SLTM: variants seen among roughly 807,000 people sequenced by gnomAD.
SLTM encodes the protein SAFB like transcription modulator, also known as SAFB-like transcription modulator.
Under a neutral mutation model 134.6 loss-of-function variants are expected in SLTM, and 43 were observed. The observed-to-expected ratio is 0.32, with a 90% confidence interval of 0.25 to 0.41. SLTM has a LOEUF of 0.41. Ranked by LOEUF, SLTM falls within the 10% of genes least tolerant of loss-of-function variation. The pLI is 1.00. For missense variants in SLTM, 1,055 were observed against 1,288.8 expected (o/e 0.82, Z 2.78); for synonymous variants, 424 against 432.3 (o/e 0.98, Z 0.24).
At chr15:58,912,715 A>G (rs2036368761) in intron 4 of SLTM, 105 bp from the exon 5 acceptor site, 5 of 863,930 alleles carry the variant, frequency 5.8e-6, no homozygotes, top group African/African-American at 1.7e-5. Flanking sequence ...GTTCTGTATA[A>G]TATCTGCGAT....
rs71119415 is a variant in SLTM at position 58,882,181 on chromosome 15, C to CAAAAAAAAA, written c.2996+1436_2996+1444dup. Among the ~76,000 whole-genome samples, 17 of 59,528 alleles carry CAAAAAAAAA rather than the reference C, an allele frequency of 2.9e-4. 1 individual carries two copies. In the South Asian group the frequency reaches 5.7e-3, roughly 20 times the overall value. 39.1% of individuals were successfully genotyped at this position (59,528 alleles called of 152,430 possible). A position where few individuals can be genotyped will look rare whatever the true frequency, so the allele number is the denominator to read the frequency against. ...GCCTGGACAGAGCAAGACTCTGTCT[C>CAAAAAAAAA]AAAAAAAAAAAACCACACTTAGAAA... On this transcript the variant is annotated intron_variant, in intron 20 of 20. Transcript: ENST00000380516.
chr15:58,879,855 G>C lies in SLTM; in HGVS notation c.*144C>G. The C allele has an allele frequency of 9.9e-7, 1 of 1,012,254 alleles. No individual in the cohort carries two copies. The highest frequency in any genetic ancestry group is 1.4e-6 in the Non-Finnish European group (1 of 731,178). The allele number at this position is 1,012,254 out of a possible 1,614,324, so 62.7% of individuals were successfully genotyped here. A position where few individuals can be genotyped will look rare whatever the true frequency, so the allele number is the denominator to read the frequency against. On this transcript the variant is annotated 3_prime_UTR_variant, in exon 21 of 21. Transcript: ENST00000380516. Reference sequence around the variant, plus strand: ...CTATTTAAACATCTTCTCCAAAATTGAGAAAAGCAATCATGTTAAATTTTT... The same window carrying C: ...CTATTTAAACATCTTCTCCAAAATTCAGAAAAGCAATCATGTTAAATTTTT...
intron 2 of SLTM, among the ~76,000 whole-genome samples, chr15:58,927,954 T>A (rs1337106617): frequency 1.3e-5 from 2 of 152,208 alleles, no homozygotes; most frequent in Admixed American, 6.5e-5. Flanking sequence ...AGAGTAAACA[T>A]GTACTTAATT....
chr15:58,909,643 A>C (rs1160045776), intron 5 of SLTM, among the ~76,000 whole-genome samples: 1 of 152,236 alleles, frequency 6.6e-6, no homozygotes, highest in Non-Finnish European at 1.5e-5. Context: ...TGTGCATCCA[A>C]ATAGAAGAAT....
chr15:58,891,316 A>G (rs2034628210), intron 14 of SLTM, among the ~76,000 whole-genome samples: 1 of 152,128 alleles, frequency 6.6e-6, no homozygotes. Context: ...ACCATCCAAC[A>G]CCTCTCATAC....
intron 2 of SLTM, chr15:58,921,491 G>T: frequency 3.0e-6 from 1 of 330,498 alleles, no homozygotes; most frequent in South Asian, 2.4e-5. Context: ...CAGCACTGGG[G>T]TATGTAAAAA....
intron 20 of SLTM, among the ~76,000 whole-genome samples, chr15:58,880,583 G>A (rs1419522252): frequency 6.6e-6 from 1 of 151,954 alleles, no homozygotes; most frequent in African/African-American, 2.4e-5. Flanking sequence ...TTTAGACAGG[G>A]CCTCACTCAC....
chr15:58,898,856 A>T lies in SLTM; in HGVS notation c.1059-4T>A. ...GTCTTTAGATTCCTTTGAAGAGCTAAAGAGGCAAATCACCAGAAGAAAATT... is the reference window on the plus strand; with the variant it reads ...GTCTTTAGATTCCTTTGAAGAGCTATAGAGGCAAATCACCAGAAGAAAATT... On this transcript the variant is annotated splice_region_variant and splice_polypyrimidine_tract_variant and intron_variant, in intron 7 of 20. Transcript: ENST00000380516. 1 of 1,606,466 alleles carries T rather than the reference A, an allele frequency of 6.2e-7. No homozygotes were observed. The highest frequency in any genetic ancestry group is 8.5e-7 in the Non-Finnish European group (1 of 1,176,748).
chr15:58,922,377 C>CAAAAAAAAAAA (rs59996812), intron 2 of SLTM, among the ~76,000 whole-genome samples: 1 of 61,146 alleles, frequency 1.6e-5, no homozygotes, highest in African/African-American at 7.9e-5. Flanking sequence ...AACTCTGCCT[C>CAAAAAAAAAAA]AAAAAAAAAA....
intron 2 of SLTM, among the ~76,000 whole-genome samples, chr15:58,921,737 T>G (rs116967674): frequency 2.6e-5 from 4 of 152,338 alleles, no homozygotes; most frequent in Non-Finnish European, 5.9e-5. Flanking sequence ...CATCGTAAAT[T>G]ACAAACTTTA....
At chr15:58,930,696 C>A (rs1356052838) in intron 2 of SLTM, among the ~76,000 whole-genome samples, 1 of 147,818 alleles carries the variant, frequency 6.8e-6, no homozygotes, top group Non-Finnish European at 1.5e-5. Context: ...GGCAACAGAG[C>A]AATACCCTAT....
In SLTM at chr15:58,913,392, A is replaced by G. The variant is rs1195523068; in HGVS notation, c.513+107T>C. 3 of 932,074 alleles carry G rather than the reference A, an allele frequency of 3.2e-6. No homozygotes were observed. The East Asian group carries it at 8.1e-5, about 25-fold the overall frequency. The allele number at this position is 932,074 out of a possible 1,614,324, so 57.7% of individuals were successfully genotyped here. On this transcript the variant is annotated intron_variant, in intron 4 of 20. Coordinates refer to ENST00000380516, the MANE Select transcript of SLTM (RefSeq NM_024755.4). Reference sequence around the variant, plus strand: ...GACTTATAAGTAGCTTTAGTAACACATCTTTTAAAAATTCTGAGACTTCCA... The same window carrying G: ...GACTTATAAGTAGCTTTAGTAACACGTCTTTTAAAAATTCTGAGACTTCCA...
Position 58,881,019 on chromosome 15 carries a change from G to A in SLTM, c.2997-912C>T, listed in dbSNP as rs563567388. Among the ~76,000 whole-genome samples the A allele has an allele frequency of 3.3e-5, 5 of 151,814 alleles. No individual in the cohort carries two copies. In the East Asian group the frequency reaches 7.8e-4, roughly 24 times the overall value. ...CACAAAAAAGCAGACCCCCTCCCCCGACAAAAAACCTTTAACAGGCCGGGC... is the reference window on the plus strand; with the variant it reads ...CACAAAAAAGCAGACCCCCTCCCCCAACAAAAAACCTTTAACAGGCCGGGC... On this transcript the variant is annotated intron_variant, in intron 20 of 20. Transcript: ENST00000380516.
intron 14 of SLTM, 59 bp from the exon 15 acceptor site, chr15:58,890,520 T>C (rs1271236665): frequency 6.7e-7 from 1 of 1,485,094 alleles, no homozygotes; most frequent in East Asian, 2.3e-5. Context: ...TGAAAGAGAA[T>C]AGCTTTGAAT....
rs192618415 is a variant in SLTM, at chr15:58,913,065, G to A, written c.513+434C>T. 9.9e-5 allele frequency among the ~76,000 whole-genome samples: 15 copies of A among 152,264 alleles called. No homozygotes were observed. In the East Asian group the frequency reaches 2.9e-3, roughly 29 times the overall value. On this transcript the variant is annotated intron_variant, in intron 4 of 20. Transcript: ENST00000380516. ...TAAAGTAACCTTTTATACTTGCTAA[G>A]GTAGCAGAAAGGGGAAAAAACCCTA...
At position 58,901,263 on chromosome 15, in the gene SLTM, T is replaced by G. The variant is rs767372467; in HGVS notation, c.586A>C (p.Lys196Gln). 3 of 1,606,134 alleles carry G rather than the reference T, an allele frequency of 1.9e-6. No individual in the cohort carries two copies. The highest frequency in any genetic ancestry group is 2.5e-6 in the Non-Finnish European group (3 of 1,176,746). The change falls in exon 6 of 21, where the codon AAA (lysine) becomes CAA (glutamine). Residue 196 changes from lysine (K) to glutamine (Q), a missense_variant. Lys to Gln is a moderately conservative substitution (Grantham distance 53, BLOSUM62 1). This residue lies in a region of SLTM where 268 missense variants were observed against 284.3 expected (regional missense o/e 0.94). Coordinates refer to ENST00000380516, the MANE Select transcript of SLTM (RefSeq NM_024755.4). ...AQDGEEEENE[K>Q]DIAGSGDGTQ... Reference sequence around the variant, plus strand: ...TAAGCTCTAGCATCAAACATACCTTTCTCATTTTCTTCTTCCTCACCATCC... The same window carrying G: ...TAAGCTCTAGCATCAAACATACCTTGCTCATTTTCTTCTTCCTCACCATCC...
chr15:58,914,948 C>G (rs781480279), intron 3 of SLTM, among the ~76,000 whole-genome samples: 3 of 152,182 alleles, frequency 2.0e-5, no homozygotes, highest in African/African-American at 7.2e-5. Context: ...GTATTCCTAG[C>G]ATCTTAGGAG....
intron 5 of SLTM, 123 bp downstream of exon 5, chr15:58,912,440 A>T: frequency 2.2e-6 from 2 of 918,624 alleles, no homozygotes; most frequent in South Asian, 2.8e-5. Context: ...ACATCACGTA[A>T]ATAACTCAGT....
At chr15:58,920,753 C>T (rs184737251) in intron 2 of SLTM, among the ~76,000 whole-genome samples, 7 of 148,286 alleles carry the variant, frequency 4.7e-5, no homozygotes, top group Admixed American at 1.3e-4. Context: ...GTCAGGAGTT[C>T]GAGACCAGCC....
Sources: gnomAD v4.1 joint callset for allele counts (sites outside exome capture counted in the v4.1 genomes callset) on GRCh38, gnomAD v4.1.1 for gene constraint, gnomAD v4.1.1 regional missense constraint, MANE v1.5 for transcripts, NCBI Gene and HGNC (gene_info 2026-07-23, HGNC 2026-07-21) for gene names.